TET2: variants seen among roughly 807,000 people sequenced by gnomAD.
TET2 encodes the protein tet methylcytosine dioxygenase 2, also known as methylcytosine dioxygenase TET2.
In TET2, 299 loss-of-function variants were observed where a neutral mutation model predicts 142.9. The observed-to-expected ratio is 2.09, with a 90% CI of 1.90 to 2.30. The LOEUF (loss-of-function observed/expected upper bound fraction) is 2.30. TET2 is among the 30% of genes most tolerant of loss of function. The pLI is 0.00. For missense variants in TET2, 2,418 were observed against 2,378.0 expected, an observed-to-expected ratio of 1.02 and a Z score of -0.35; for synonymous variants, 819 against 849.0, an observed-to-expected ratio of 0.96 and a Z score of 0.61.
chr4:105,181,100 C>G (rs1725096547), intron 1 of TET2, among the ~76,000 whole-genome samples: 1 of 152,164 alleles, frequency 6.6e-6, no homozygotes. Flanking sequence ...CTCTTATGCT[C>G]ATTTATATTT....
rs60653050 is a variant in TET2 at position 105,239,074 on chromosome 4, G to GTTTTTTTGTGT, written c.3409+1730_3409+1731insGTGTTTTTTTT. 2.2e-3 allele frequency: 465 copies of GTTTTTTTGTGT among 211,710 alleles called. 3 individuals carry two copies. The highest frequency in any genetic ancestry group is 6.8e-3 in the East Asian group (91 of 13,324). 13.1% of individuals were successfully genotyped at this position (211,710 alleles called of 1,614,324 possible). A position where few individuals can be genotyped will look rare whatever the true frequency, so the allele number is the denominator to read the frequency against. On this transcript the variant is annotated intron_variant, in intron 3 of 10. Transcript: ENST00000380013. ...AAAGGAGGTTTTGGTTTTGTTTTTT[G>GTTTTTTTGTGT]TTTTTTTTTTTTGTTTTTTAGCAGT...
intron 2 of TET2, among the ~76,000 whole-genome samples, chr4:105,207,544 T>G (rs1726901704): frequency 1.3e-5 from 2 of 152,064 alleles, no homozygotes; most frequent in South Asian, 4.1e-4. Context: ...ATGGCTTCCA[T>G]TTCAGTGTCT....
chr4:105,225,158 C>A (rs1266029904), intron 2 of TET2, among the ~76,000 whole-genome samples: 2 of 143,670 alleles, frequency 1.4e-5, no homozygotes, highest in Non-Finnish European at 3.0e-5. Context: ...ATGAAGAAAT[C>A]TCATGCTGCA....
chr4:105,241,504 CA>C, intron 4 of TET2, 75 bp downstream of exon 4: 3 of 1,501,318 alleles, frequency 2.0e-6, no homozygotes, highest in Non-Finnish European at 2.7e-6. Context: ...AGCCTTCACA[CA>C]CAAAGCAGTA....
In TET2 at chr4:105,275,637, T is replaced by C. The variant is rs1183182585; in HGVS notation, c.5127T>C (p.Cys1709=). ...QNMQGDGFSS[C]TIRPNVHHVG... is the part of the protein sequence containing the mutation. The stretch of plus-strand genomic sequence containing the variant: ...TGCAGGGAGATGGTTTCAGCAGTTG[T>C]ACCATTAGACCAAATGTACATCATG... The change falls in exon 11 of 11, where the codon TGT becomes TGC. Residue 1709 remains cysteine, a synonymous_variant. Coordinates refer to ENST00000380013, the MANE Select transcript of TET2 (RefSeq NM_001127208.3). 2 of 1,551,858 alleles carry C rather than the reference T, an allele frequency of 1.3e-6. No homozygotes were observed. The highest frequency in any genetic ancestry group is 2.7e-5 in the African/African-American group (2 of 73,062).
At position 105,237,196 on chromosome 4, in the gene TET2, C is replaced by T. The variant is rs1728999487; in HGVS notation, c.3254C>T (p.Thr1085Ile). ...DSHTPALEQQ[T>I]TSSEKTPTKR... is the part of the protein sequence containing the mutation. ...CACACCCCAGCTTTAGAGCAGCAAA[C>T]AACTTCTTCAGAAAAGACACCAACC... Residue 1085 changes from threonine (T) to isoleucine (I), a missense_variant, in exon 3 of 11, where the codon ACA becomes ATA. Thr to Ile is a moderately conservative substitution (Grantham distance 89). Transcript: ENST00000380013. The T allele has an allele frequency of 6.2e-7, 1 of 1,614,100 alleles. No individual in the cohort carries two copies. Among genetic ancestry groups the T allele is most frequent in the East Asian group, 2.2e-5 (1 of 44,872 alleles).
intron 2 of TET2, among the ~76,000 whole-genome samples, chr4:105,213,745 C>T (rs746483243): frequency 7.9e-5 from 12 of 152,152 alleles, no homozygotes; most frequent in Non-Finnish European, 1.6e-4. Context: ...TATTTTAACT[C>T]TATGATCTGC....
intron 2 of TET2, among the ~76,000 whole-genome samples, chr4:105,198,742 A>G (rs1388512039): frequency 6.6e-6 from 1 of 152,210 alleles, no homozygotes; most frequent in Admixed American, 6.5e-5. Flanking sequence ...CATTCCTAAG[A>G]GGACTAGTCT....
At chr4:105,146,796 C>T (rs748541597), upstream of TET2, 1 of 152,042 alleles carries the variant, frequency 6.6e-6, no homozygotes, top group South Asian at 2.1e-4. Context: ...GCGGCCGCCC[C>T]GAGACGCCGG....
At chr4:105,188,157 A>G (rs1265313856) in intron 1 of TET2, among the ~76,000 whole-genome samples, 1 of 152,242 alleles carries the variant, frequency 6.6e-6, no homozygotes, top group Admixed American at 6.5e-5. Flanking sequence ...AGAATGTGGT[A>G]TAGACATACA....
chr4:105,220,900 A>C (rs527863973), intron 2 of TET2, among the ~76,000 whole-genome samples: 8 of 152,174 alleles, frequency 5.3e-5, no homozygotes, highest in Admixed American at 1.3e-4. Flanking sequence ...ACAGATTCTT[A>C]GAGCATGACC....
In TET2 at chr4:105,242,326, A is replaced by T. The variant is rs562111306; in HGVS notation, c.3501-508A>T. On this transcript the variant is annotated intron_variant, in intron 4 of 10. Transcript: ENST00000380013. ...AAGCAGTAGGTGGTGCTTTGGTCAT[A>T]AGGGAAGATATAGTCTATTTCTAGG... 6.2e-5 allele frequency: 67 copies of T among 1,077,692 alleles called. No homozygotes were observed. The African/African-American group carries it at 6.7e-4, about 11-fold the overall frequency. The allele number at this position is 1,077,692 out of a possible 1,614,324, so 66.8% of individuals were successfully genotyped here. A position where few individuals can be genotyped will look rare whatever the true frequency, so the allele number is the denominator to read the frequency against.
chr4:105,236,516 G>A lies in TET2; in HGVS notation c.2574G>A (p.Lys858=). The A allele has an allele frequency of 6.2e-7, 1 of 1,614,070 alleles. No individual in the cohort carries two copies. The highest frequency in any genetic ancestry group is 8.5e-7 in the Non-Finnish European group (1 of 1,180,004). Residue 858 remains lysine, a synonymous_variant, in exon 3 of 11, where the codon AAG becomes AAA. Coordinates refer to ENST00000380013, the MANE Select transcript of TET2 (RefSeq NM_001127208.3). ...TTHPELFAGN[K]TQNLHHMQYF... ...ATCCTGAACTTTTTGCAGGAAACAA[G>A]ACCCAAAACTTGCATCACATGCAAT...
intron 2 of TET2, among the ~76,000 whole-genome samples, chr4:105,200,851 G>A (rs1458127408): frequency 2.6e-5 from 4 of 151,864 alleles, no homozygotes; most frequent in Non-Finnish European, 5.9e-5. Flanking sequence ...AGTAAAGATG[G>A]GGTTTCACCA....
intron 4 of TET2, chr4:105,241,648 A>G: frequency 2.3e-6 from 3 of 1,280,732 alleles, no homozygotes; most frequent in South Asian, 6.4e-5. Context: ...CAGGCTGCCC[A>G]CTTTGCGATG....
In TET2 at chr4:105,236,965, A is replaced by T; in HGVS notation, c.3023A>T (p.Lys1008Met). Residue 1008 changes from lysine to methionine, a missense_variant, in exon 3 of 11, where the codon AAG (lysine) becomes ATG (methionine). Lys to Met is a moderately conservative substitution (Grantham distance 95, BLOSUM62 -1). Transcript: ENST00000380013. ...PENKTWKKVT[K>M]QENPPASCDN... Reference sequence around the variant, plus strand: ...AACAAAACATGGAAAAAGGTAACTAAGCAAGAGAATCCACCTGCAAGCTGT... The same window carrying T: ...AACAAAACATGGAAAAAGGTAACTATGCAAGAGAATCCACCTGCAAGCTGT... The T allele has an allele frequency of 6.2e-7, 1 of 1,614,152 alleles. No homozygotes were observed. The highest frequency in any genetic ancestry group is 8.5e-7 in the Non-Finnish European group (1 of 1,180,022).
At chr4:105,273,321 CAACATGGAA>C (rs1731055800) in intron 10 of TET2, among the ~76,000 whole-genome samples, 1 of 152,204 alleles carries the variant, frequency 6.6e-6, no homozygotes, top group East Asian at 1.9e-4. Flanking sequence ...ATTGCACCAT[CAACATGGAA>C]AACATGGAAA....
chr4:105,245,487 C>T (rs1338463097), intron 6 of TET2, among the ~76,000 whole-genome samples: 1 of 152,056 alleles, frequency 6.6e-6, no homozygotes, highest in Non-Finnish European at 1.5e-5. Flanking sequence ...TGCACTACCA[C>T]ACCCAGCTAA....
intron 2 of TET2, among the ~76,000 whole-genome samples, chr4:105,203,305 ATAAAC>A (rs1007125998): frequency 2.6e-5 from 4 of 152,244 alleles, no homozygotes; most frequent in African/African-American, 9.6e-5. Flanking sequence ...TTACATTAGA[ATAAAC>A]AAAGCACCAA....
Sources: allele counts gnomAD v4.1 joint callset (sites outside exome capture counted in the v4.1 genomes callset), GRCh38; gene constraint gnomAD v4.1.1; transcripts MANE v1.5; gene names NCBI Gene and HGNC (gene_info 2026-07-23, HGNC 2026-07-21).